Variants in CCDC7 observed in about 807,000 individuals in gnomAD.
CCDC7 encodes coiled-coil domain containing 7.
A neutral mutation model predicts 196.9 loss-of-function variants in CCDC7; 183 were observed. That is an observed-to-expected ratio of 0.93 (90% CI 0.82 to 1.05). The LOEUF is 1.05. Ranked by LOEUF, CCDC7 falls within the 50% of genes least tolerant of loss-of-function variation. The probability of loss-of-function intolerance (pLI) is 0.00; values close to 1 mark genes in which losing one functional copy is unlikely to be tolerated. For missense variants in CCDC7, 1,540 were observed against 1,482.2 expected (o/e 1.04, Z -0.64); for synonymous variants, 525 against 484.6 (o/e 1.08, Z -1.10).
Position 32,824,700 on chromosome 10 carries a change from A to T in CCDC7, c.3268+96A>T, listed in dbSNP as rs2090855614. ...ATGACAACAGTACCTATATGTAATTATCACGTGAGAAAAAGTCTTCATGAA... is the reference window on the plus strand; with the variant it reads ...ATGACAACAGTACCTATATGTAATTTTCACGTGAGAAAAAGTCTTCATGAA... On this transcript the variant is annotated intron_variant, in intron 32 of 41. Coordinates refer to ENST00000639629, the Ensembl canonical transcript of CCDC7. The T allele has an allele frequency of 7.2e-6, 5 of 694,762 alleles. No homozygotes were observed. In the South Asian group the frequency reaches 1.3e-4, roughly 18 times the overall value. 43.0% of individuals were successfully genotyped at this position (694,762 alleles called of 1,614,324 possible). A position where few individuals can be genotyped will look rare whatever the true frequency, so the allele number is the denominator to read the frequency against.
intron 18 of CCDC7, among the ~76,000 whole-genome samples, chr10:32,585,556 G>T (rs2059186162): frequency 1.3e-5 from 2 of 152,050 alleles, no homozygotes; most frequent in South Asian, 2.1e-4. Flanking sequence ...CCCTGTGTGT[G>T]ATGTTCCCCT....
chr10:32,490,813 G>A (rs58348668), intron 8 of CCDC7, among the ~76,000 whole-genome samples: 2 of 151,686 alleles, frequency 1.3e-5, no homozygotes, highest in Admixed American at 1.3e-4. Context: ...AAAAAAAGTT[G>A]GTGTTTTATT....
At chr10:32,826,263 A>G (rs545912503) in intron 32 of CCDC7, among the ~76,000 whole-genome samples, 2 of 152,344 alleles carry the variant, frequency 1.3e-5, no homozygotes, top group South Asian at 4.1e-4. Flanking sequence ...GAGTTTTCTA[A>G]TTTATATGAG....
In CCDC7 at chr10:32,713,381, G is replaced by A. The variant is rs1011257986; in HGVS notation, c.2569+1651G>A. Among the ~76,000 whole-genome samples, 9 of 152,350 alleles carry A rather than the reference G, an allele frequency of 5.9e-5. No individual in the cohort carries two copies. In the South Asian group the frequency reaches 1.9e-3, roughly 32 times the overall value. ...CCCCACTTCAAACTTTGTCCTAGGTGTAGGTCCTCAGTTCCCCACTGGGGA... is the reference window on the plus strand; with the variant it reads ...CCCCACTTCAAACTTTGTCCTAGGTATAGGTCCTCAGTTCCCCACTGGGGA... On this transcript the variant is annotated intron_variant, in intron 25 of 41. Coordinates refer to ENST00000639629, the Ensembl canonical transcript of CCDC7.
intron 9 of CCDC7, among the ~76,000 whole-genome samples, chr10:32,506,205 A>C (rs1318267841): frequency 7.6e-6 from 1 of 131,234 alleles, no homozygotes; most frequent in Admixed American, 7.9e-5. Flanking sequence ...GGCACTCCTC[A>C]CTTCCTCCCA....
At chr10:32,582,938 T>G in intron 16 of CCDC7, 96 bp from the exon 18 acceptor site, 1 of 710,008 alleles carries the variant, frequency 1.4e-6, no homozygotes, top group Non-Finnish European at 1.9e-6. Context: ...TTATACTTAC[T>G]TATTTAATAT....
chr10:32,646,512 G>A (rs555188041), intron 20 of CCDC7, among the ~76,000 whole-genome samples: 18 of 152,220 alleles, frequency 1.2e-4, no homozygotes, highest in African/African-American at 3.9e-4. Context: ...TGGGTGACAC[G>A]TATTATAAAT....
At chr10:32,734,276 A>T (rs1316166524) in intron 28 of CCDC7, among the ~76,000 whole-genome samples, 1 of 152,198 alleles carries the variant, frequency 6.6e-6, no homozygotes, top group Non-Finnish European at 1.5e-5. Context: ...ACAGGACAAG[A>T]TCATGTCCTT....
intron 28 of CCDC7, among the ~76,000 whole-genome samples, chr10:32,751,994 A>G (rs1316342055): frequency 6.6e-6 from 1 of 152,166 alleles, no homozygotes; most frequent in East Asian, 1.9e-4. Flanking sequence ...ACAGTAGTCC[A>G]TCTGCAACCA....
At chr10:32,651,580 G>A (rs2068765588) in intron 20 of CCDC7, among the ~76,000 whole-genome samples, 1 of 152,238 alleles carries the variant, frequency 6.6e-6, no homozygotes, top group Non-Finnish European at 1.5e-5. Context: ...GGAGGATTTC[G>A]GGCAGGAGCA....
At chr10:32,649,711 T>C (rs1320125763) in intron 20 of CCDC7, among the ~76,000 whole-genome samples, 2 of 152,226 alleles carry the variant, frequency 1.3e-5, no homozygotes, top group Non-Finnish European at 2.9e-5. Context: ...TGTTCATTTT[T>C]CTTAATTGTT....
At chr10:32,529,471 G>A (rs112416200) in intron 11 of CCDC7, among the ~76,000 whole-genome samples, 6,953 of 152,234 alleles carry the variant, frequency 0.046, 535 homozygotes, top group African/African-American at 0.16. Context: ...CATTCTTGCA[G>A]GAGTAAGGTG....
chr10:32,489,627 A>G (rs1325260465), intron 8 of CCDC7, among the ~76,000 whole-genome samples: 1 of 152,132 alleles, frequency 6.6e-6, no homozygotes, highest in Non-Finnish European at 1.5e-5. Flanking sequence ...TGGTTCCAGG[A>G]TTGAGCTGTG....
intron 8 of CCDC7, among the ~76,000 whole-genome samples, chr10:32,487,846 G>A (rs1394476717): frequency 6.6e-6 from 1 of 152,216 alleles, no homozygotes; most frequent in Non-Finnish European, 1.5e-5. Flanking sequence ...TCCTCTGGAA[G>A]TTTTGTCTCA....
intron 33 of CCDC7, among the ~76,000 whole-genome samples, chr10:32,839,561 T>A (rs1042583414): frequency 6.6e-6 from 1 of 151,962 alleles, no homozygotes; most frequent in Non-Finnish European, 1.5e-5. Context: ...AGTGGGGGAC[T>A]TTAATACTCC....
At chr10:32,798,264 G>T (rs2084034713) in intron 29 of CCDC7, among the ~76,000 whole-genome samples, 1 of 152,180 alleles carries the variant, frequency 6.6e-6, no homozygotes, top group African/African-American at 2.4e-5. Context: ...CATATAGAGG[G>T]CTCAGTGTTG....
intron 41 of CCDC7, among the ~76,000 whole-genome samples, chr10:32,866,701 A>G (rs1200730442): frequency 6.6e-6 from 1 of 151,616 alleles, no homozygotes; most frequent in African/African-American, 2.4e-5. Flanking sequence ...TTTCAATAGA[A>G]TGGCAGCTGA....
chr10:32,538,148 TG>T (rs1314979604), intron 11 of CCDC7, among the ~76,000 whole-genome samples: 1 of 152,224 alleles, frequency 6.6e-6, no homozygotes, highest in East Asian at 1.9e-4. Context: ...CCCATTTTTT[TG>T]TGTCATCTGA....
chr10:32,751,956 T>G (rs1007836263), intron 28 of CCDC7, among the ~76,000 whole-genome samples: 1 of 152,176 alleles, frequency 6.6e-6, no homozygotes, highest in Non-Finnish European at 1.5e-5. Flanking sequence ...TGAAGGCAGT[T>G]CGCTTGCCTC....
Sources: gnomAD v4.1 joint callset for allele counts (sites outside exome capture counted in the v4.1 genomes callset) on GRCh38, gnomAD v4.1.1 for gene constraint, MANE v1.5 for transcripts, NCBI Gene and HGNC (gene_info 2026-07-23, HGNC 2026-07-21) for gene names.